ARMH3: variants seen among roughly 807,000 people sequenced by gnomAD.
ARMH3 encodes the protein armadillo like helical domain containing 3.
In ARMH3, 60 loss-of-function variants were observed where a neutral mutation model predicts 99.1. The ratio of observed to expected loss-of-function variants is 0.61; its 90% confidence interval spans 0.49 to 0.75. ARMH3 has a LOEUF of 0.75. Ranked by LOEUF, ARMH3 falls within the 30% of genes least tolerant of loss-of-function variation. The probability of loss-of-function intolerance (pLI) is 0.00; values close to 1 mark genes in which losing one functional copy is unlikely to be tolerated. For missense variants in ARMH3, 679 were observed against 843.1 expected (o/e 0.81, Z 2.41); for synonymous variants, 285 against 292.8 (o/e 0.97, Z 0.27).
At chr10:101,952,796 C>G (rs866182972) in intron 22 of ARMH3, 8 of 152,294 alleles carry the variant, frequency 5.3e-5, no homozygotes, top group Middle Eastern at 3.4e-3. Context: ...TCTTGTAGAA[C>G]TGAAACTCTA....
intron 5 of ARMH3, among the ~76,000 whole-genome samples, chr10:102,026,635 T>C (rs7905021): frequency 0.21 from 31,738 of 152,084 alleles, 3,672 homozygotes; most frequent in East Asian, 0.52. Context: ...TAAGGGAGTA[T>C]AAAGAATGAG....
chr10:102,018,772 A>G (rs766995506), intron 8 of ARMH3, among the ~76,000 whole-genome samples: 1 of 152,122 alleles, frequency 6.6e-6, no homozygotes, highest in Non-Finnish European at 1.5e-5. Context: ...CCTAAATAAT[A>G]TGGTGAACTC....
intron 22 of ARMH3, among the ~76,000 whole-genome samples, chr10:101,943,073 G>A (rs915813066): frequency 3.3e-5 from 5 of 152,162 alleles, no homozygotes; most frequent in Non-Finnish European, 7.3e-5. Context: ...TTCCCACACT[G>A]CAGGGTTGGG....
chr10:101,986,211 T>C (rs1846493447), intron 19 of ARMH3, among the ~76,000 whole-genome samples: 1 of 152,190 alleles, frequency 6.6e-6, no homozygotes. Context: ...CACTGAAGTC[T>C]GTACCTTTCT....
intron 9 of ARMH3, 106 bp from the exon 10 acceptor site, chr10:102,012,982 T>A: frequency 1.1e-6 from 1 of 943,856 alleles, no homozygotes; most frequent in Non-Finnish European, 1.5e-6. Context: ...CAAGAAGTCC[T>A]GCCTGAAAGT....
intron 14 of ARMH3, among the ~76,000 whole-genome samples, chr10:102,006,021 T>A (rs2902541): frequency 0.55 from 84,131 of 152,114 alleles, 23,502 homozygotes; most frequent in East Asian, 0.76. Flanking sequence ...TGCTAGGCAT[T>A]TAGTAGTAAA....
chr10:102,006,966 T>A (rs959428013), intron 13 of ARMH3, among the ~76,000 whole-genome samples: 1 of 151,444 alleles, frequency 6.6e-6, no homozygotes, highest in Non-Finnish European at 1.5e-5. Context: ...ATCGAGACCA[T>A]CCTGGCCAAC....
chr10:102,019,526 C>G (rs1191053631), intron 8 of ARMH3, among the ~76,000 whole-genome samples: 1 of 152,096 alleles, frequency 6.6e-6, no homozygotes, highest in African/African-American at 2.4e-5. Context: ...CTTCCAAATG[C>G]GGAGGTGAAA....
At chr10:102,013,254 T>C (rs1241719518) in intron 9 of ARMH3, among the ~76,000 whole-genome samples, 1 of 152,144 alleles carries the variant, frequency 6.6e-6, no homozygotes, top group Non-Finnish European at 1.5e-5. Context: ...AATGAGTCCA[T>C]GCTAAATGAA....
At chr10:101,983,797 A>G (rs1160472245) in intron 19 of ARMH3, among the ~76,000 whole-genome samples, 1 of 152,182 alleles carries the variant, frequency 6.6e-6, no homozygotes, top group Non-Finnish European at 1.5e-5. Context: ...TTTCTTTAAA[A>G]TATCCTTTGT....
intron 1 of ARMH3, among the ~76,000 whole-genome samples, chr10:102,049,095 T>C (rs550677538): frequency 4.8e-4 from 73 of 152,294 alleles, no homozygotes; most frequent in African/African-American, 1.7e-3. Flanking sequence ...CACATCCTAC[T>C]GTTCCACATG....
intron 15 of ARMH3, among the ~76,000 whole-genome samples, chr10:102,000,538 C>T (rs1214253103): frequency 6.6e-6 from 1 of 150,946 alleles, no homozygotes; most frequent in African/African-American, 2.4e-5. Flanking sequence ...GCGGGCAGAT[C>T]ACTTGAGCCC....
intron 4 of ARMH3, among the ~76,000 whole-genome samples, chr10:102,032,311 ATTCAAGGAATAGTTGT>A (rs993628434): frequency 2.6e-5 from 4 of 152,186 alleles, no homozygotes; most frequent in Non-Finnish European, 5.9e-5. Flanking sequence ...GCACATAACA[ATTCAAGGAATAGTTGT>A]TGAATGAATT....
intron 1 of ARMH3, among the ~76,000 whole-genome samples, chr10:102,048,226 T>C (rs2067604516): frequency 6.6e-6 from 1 of 152,142 alleles, no homozygotes; most frequent in Non-Finnish European, 1.5e-5. Flanking sequence ...AAATCACACT[T>C]CCTTTGGGAC....
At chr10:101,889,810 G>A in intron 23 of ARMH3, 1 of 258,374 alleles carries the variant, frequency 3.9e-6, no homozygotes, top group Middle Eastern at 1.4e-3. Context: ...CTGTCCACTA[G>A]GGGGCCCTGG....
intron 23 of ARMH3, among the ~76,000 whole-genome samples, chr10:101,930,373 AAT>A (rs1474603950): frequency 6.6e-6 from 1 of 152,066 alleles, no homozygotes; most frequent in African/African-American, 2.4e-5. Flanking sequence ...AATAAATTAA[AAT>A]ACAAGAAAGA....
intron 5 of ARMH3, 96 bp from the exon 6 acceptor site, chr10:102,025,344 C>T (rs1214022294): frequency 4.6e-6 from 4 of 868,432 alleles, no homozygotes; most frequent in Admixed American, 2.1e-5. Context: ...GTGAATAACA[C>T]ACAATAAAGC....
At chr10:101,952,171 G>GA (rs1328139431) in intron 22 of ARMH3, among the ~76,000 whole-genome samples, 4 of 152,226 alleles carry the variant, frequency 2.6e-5, no homozygotes, top group South Asian at 4.1e-4. Flanking sequence ...TGAAAAAGTA[G>GA]AAAAAATTAC....
At chr10:102,020,088 T>C (rs1009523866) in intron 8 of ARMH3, among the ~76,000 whole-genome samples, 1 of 151,736 alleles carries the variant, frequency 6.6e-6, no homozygotes, top group South Asian at 2.1e-4. Context: ...ACAATGTGTT[T>C]GTGTTTCAAG....
Sources: gnomAD v4.1 joint callset for allele counts (sites outside exome capture counted in the v4.1 genomes callset) on GRCh38, gnomAD v4.1.1 for gene constraint, MANE v1.5 for transcripts, NCBI Gene and HGNC (gene_info 2026-07-23, HGNC 2026-07-21) for gene names.